Variants in PALM2AKAP2 observed in about 807,000 individuals in gnomAD.
PALM2AKAP2 encodes the protein PALM2-AKAP2 fusion protein.
Under a neutral mutation model 71.5 loss-of-function variants are expected in PALM2AKAP2, and 37 were observed. That is an observed-to-expected ratio of 0.52 (90% confidence interval 0.40 to 0.68). PALM2AKAP2 has a LOEUF of 0.68. Ranked by LOEUF, PALM2AKAP2 falls within the 30% of genes least tolerant of loss-of-function variation. PALM2AKAP2 has a pLI of 0.00. For missense variants in PALM2AKAP2, 1,224 were observed against 1,191.8 expected (o/e 1.03, Z -0.40); for synonymous variants, 468 against 478.8 (o/e 0.98, Z 0.29).
intron 1 of PALM2AKAP2, among the ~76,000 whole-genome samples, chr9:109,852,270 T>G (rs1055371974): frequency 6.6e-6 from 1 of 152,180 alleles, no homozygotes. Context: ...TCCTCCCTCC[T>G]TTTGGAATGC....
chr9:109,687,105 C>T (rs1827817468), intron 1 of PALM2AKAP2, among the ~76,000 whole-genome samples: 2 of 152,128 alleles, frequency 1.3e-5, no homozygotes, highest in African/African-American at 2.4e-5. Context: ...GGTTCCAAGT[C>T]TTTGCTATTG....
chr9:110,098,456 T>G (rs1476544216), intron 1 of PALM2AKAP2, among the ~76,000 whole-genome samples: 1 of 152,124 alleles, frequency 6.6e-6, no homozygotes, highest in Non-Finnish European at 1.5e-5. Flanking sequence ...AACTAATGTA[T>G]TGTATACTTT....
chr9:109,881,859 T>C (rs1464628838), intron 3 of PALM2AKAP2, among the ~76,000 whole-genome samples: 1 of 148,708 alleles, frequency 6.7e-6, no homozygotes, highest in African/African-American at 2.5e-5. Flanking sequence ...CATCTCTGTC[T>C]TCTGAGCTTA....
chr9:109,830,287 T>G (rs1005507359), intron 1 of PALM2AKAP2, among the ~76,000 whole-genome samples: 20 of 152,346 alleles, frequency 1.3e-4, no homozygotes, highest in African/African-American at 4.8e-4. Flanking sequence ...AAATGCAACT[T>G]TCTTAGAGAG....
At chr9:109,807,651 T>G (rs7024168) in intron 1 of PALM2AKAP2, among the ~76,000 whole-genome samples, 92,159 of 151,662 alleles carry the variant, frequency 0.61, 29,416 homozygotes, top group African/African-American at 0.81. Flanking sequence ...AAGGATGAAT[T>G]ATTTAATCAC....
At chr9:109,710,056 T>C (rs529749198) in intron 1 of PALM2AKAP2, among the ~76,000 whole-genome samples, 3 of 152,084 alleles carry the variant, frequency 2.0e-5, no homozygotes, top group East Asian at 1.9e-4. Context: ...GAAGCAGAGA[T>C]TGGAGTGGCG....
At position 109,996,320 on chromosome 9, in the gene PALM2AKAP2, A is replaced by G. The variant is rs142498108; in HGVS notation, c.497-19634A>G. Reference sequence around the variant, plus strand: ...GAAAGGGGCCCCACTGAATGGTAATATTTGTGAAATAATTGGAGAGGAAAC... The same window carrying G: ...GAAAGGGGCCCCACTGAATGGTAATGTTTGTGAAATAATTGGAGAGGAAAC... On this transcript the variant is annotated intron_variant, in intron 6 of 9. Coordinates refer to the PALM2AKAP2 transcript ENST00000302798. 2.1e-3 allele frequency among the ~76,000 whole-genome samples: 325 copies of G among 152,358 alleles called. 1 individual carries two copies. The highest frequency in any genetic ancestry group is 7.0e-3 in the African/African-American group (292 of 41,590).
intron 6 of PALM2AKAP2, among the ~76,000 whole-genome samples, chr9:109,982,672 C>A (rs150076304): frequency 6.6e-6 from 1 of 152,300 alleles, no homozygotes; most frequent in African/African-American, 2.4e-5. Context: ...GTCACCCAGG[C>A]AGGAGTGCAG....
chr9:110,042,301 CTATAA>C (rs1394408063), intron 7 of PALM2AKAP2, among the ~76,000 whole-genome samples: 1 of 152,108 alleles, frequency 6.6e-6, no homozygotes, highest in Non-Finnish European at 1.5e-5. Context: ...TGGTGTGTGC[CTATAA>C]TCCCAGCTAC....
intron 1 of PALM2AKAP2, among the ~76,000 whole-genome samples, chr9:109,642,568 C>G (rs1017978147): frequency 6.6e-6 from 1 of 151,064 alleles, no homozygotes; most frequent in South Asian, 2.1e-4. Context: ...CCAAGCTATT[C>G]TTCATTTTAG....
intron 1 of PALM2AKAP2, among the ~76,000 whole-genome samples, chr9:109,664,113 A>G (rs1205180533): frequency 2.0e-5 from 3 of 152,068 alleles, no homozygotes; most frequent in Admixed American, 6.5e-5. Context: ...CCTGAATACA[A>G]CACACTGATG....
chr9:109,654,971 C>A (rs1200577631), intron 1 of PALM2AKAP2, among the ~76,000 whole-genome samples: 1 of 152,168 alleles, frequency 6.6e-6, no homozygotes, highest in Non-Finnish European at 1.5e-5. Flanking sequence ...ACTCTCTCCC[C>A]ACATTTTCCT....
intron 1 of PALM2AKAP2, chr9:109,862,819 A>C: frequency 2.1e-6 from 1 of 469,538 alleles, no homozygotes; most frequent in Non-Finnish European, 4.3e-6. Context: ...TTTTTTGTCA[A>C]ATGAAGCAGC....
At chr9:109,980,712 T>C (rs975006029) in intron 6 of PALM2AKAP2, among the ~76,000 whole-genome samples, 2 of 152,246 alleles carry the variant, frequency 1.3e-5, no homozygotes, top group Admixed American at 6.5e-5. Context: ...CTTACTGCAG[T>C]AGCTCAAGCT....
intron 1 of PALM2AKAP2, among the ~76,000 whole-genome samples, chr9:109,859,468 T>C (rs918654550): frequency 1.3e-5 from 2 of 152,150 alleles, no homozygotes; most frequent in African/African-American, 4.8e-5. Context: ...ATACACGAGA[T>C]GGTGGATGTC....
At chr9:110,033,803 A>G (rs915026337) in intron 7 of PALM2AKAP2, among the ~76,000 whole-genome samples, 2 of 152,226 alleles carry the variant, frequency 1.3e-5, no homozygotes, top group African/African-American at 4.8e-5. Context: ...TTTTTTGGAC[A>G]GGCTATGAGC....
At chr9:109,705,525 AC>A (rs1246837780) in intron 1 of PALM2AKAP2, among the ~76,000 whole-genome samples, 3 of 152,090 alleles carry the variant, frequency 2.0e-5, no homozygotes, top group Non-Finnish European at 4.4e-5. Flanking sequence ...TTTGCTTTTG[AC>A]CCATTCACTC....
At chr9:110,010,738 G>A (rs918365782) in intron 6 of PALM2AKAP2, among the ~76,000 whole-genome samples, 1 of 148,236 alleles carries the variant, frequency 6.7e-6, no homozygotes, top group Admixed American at 6.7e-5. Flanking sequence ...GGTGGCTCAC[G>A]CTTGTAATCC....
At chr9:109,964,852 A>G (rs564128990) in intron 6 of PALM2AKAP2, among the ~76,000 whole-genome samples, 2 of 152,320 alleles carry the variant, frequency 1.3e-5, no homozygotes, top group East Asian at 3.9e-4. Context: ...AGTCAAGGAT[A>G]TGTTCAGGAC....
Sources: allele counts gnomAD v4.1 joint callset (sites outside exome capture counted in the v4.1 genomes callset), GRCh38; gene constraint gnomAD v4.1.1; transcripts MANE v1.5; gene names NCBI Gene and HGNC (gene_info 2026-07-23, HGNC 2026-07-21).